The following ATCAY variants were observed in gnomAD, a reference collection of about 807,000 sequenced individuals.
ATCAY encodes the protein ATCAY kinesin light chain interacting caytaxin.
In ATCAY, 22 loss-of-function variants were observed where a neutral mutation model predicts 47.7. That is an observed-to-expected ratio of 0.46 (90% CI 0.33 to 0.66). The LOEUF (loss-of-function observed/expected upper bound fraction) is 0.66. Among genes scored for constraint, ATCAY ranks in the 30% least tolerant of loss-of-function variants. The pLI is 0.02. For synonymous variants in ATCAY, 216 were observed against 207.6 expected (o/e 1.04, Z -0.35); for missense variants, 452 against 515.0 (o/e 0.88, Z 1.18).
Position 3,907,944 on chromosome 19 carries a change from C to G in ATCAY, c.544+25C>G. 1 of 1,604,936 alleles carries G rather than the reference C, an allele frequency of 6.2e-7. No individual in the cohort carries two copies. Among genetic ancestry groups the G allele is most frequent in the Non-Finnish European group, 8.5e-7 (1 of 1,175,758 alleles). On this transcript the variant is annotated intron_variant, in intron 5 of 12. Transcript: ENST00000450849. This position sits in a 1 kb window ranked among gnomAD's most constrained non-coding sequence, Gnocchi z 5.1. ...GGTGAGACCCGCCCCCCGGTGCCCCCTTGGGGCTCCAGCCCGGCCCACTGG... is the reference window on the plus strand; with the variant it reads ...GGTGAGACCCGCCCCCCGGTGCCCCGTTGGGGCTCCAGCCCGGCCCACTGG...
Position 3,907,957 on chromosome 19 carries a change from C to G in ATCAY, c.544+38C>G. On this transcript the variant is annotated intron_variant, in intron 5 of 12. Transcript: ENST00000450849. The surrounding 1 kb of genome is among the most constrained non-coding windows in gnomAD (Gnocchi z 5.1). ...CCCCGGTGCCCCCTTGGGGCTCCAGCCCGGCCCACTGGGCAACAGGGGGTT... is the reference window on the plus strand; with the variant it reads ...CCCCGGTGCCCCCTTGGGGCTCCAGGCCGGCCCACTGGGCAACAGGGGGTT... The G allele has an allele frequency of 6.3e-7, 1 of 1,594,318 alleles. No individual in the cohort carries two copies. Among genetic ancestry groups the G allele is most frequent in the Non-Finnish European group, 8.5e-7 (1 of 1,169,982 alleles).
Position 3,902,551 on chromosome 19 carries a change from T to C in ATCAY, c.136+6T>C. 1 of 1,566,056 alleles carries C rather than the reference T, an allele frequency of 6.4e-7. No homozygotes were observed. The highest frequency in any genetic ancestry group is 8.7e-7 in the Non-Finnish European group (1 of 1,155,062). ...CCCGGTGGAAGACACATCCTGTAAG[T>C]TTCCACGTCCACAGAAGGGCGGAAA... is the stretch of plus-strand genomic sequence containing the variant. On this transcript the variant is annotated splice_donor_region_variant and intron_variant, in intron 3 of 12. Coordinates refer to ENST00000450849, the MANE Select transcript of ATCAY (RefSeq NM_033064.5).
chr19:3,883,477 C>T (rs776708980), intron 1 of ATCAY, among the ~76,000 whole-genome samples: 4 of 152,168 alleles, frequency 2.6e-5, no homozygotes, highest in Non-Finnish European at 5.9e-5. Context: ...CTTTCGCAAA[C>T]ACGGGAATGC....
chr19:3,912,198 C>T (rs1000674924), intron 8 of ATCAY, among the ~76,000 whole-genome samples: 2 of 152,094 alleles, frequency 1.3e-5, no homozygotes, highest in African/African-American at 4.8e-5. Context: ...CTTCACCGGT[C>T]GCCATGGCTC....
At chr19:3,890,970 C>T (rs1237865548) in intron 2 of ATCAY, among the ~76,000 whole-genome samples, 3 of 152,196 alleles carry the variant, frequency 2.0e-5, no homozygotes, top group African/African-American at 7.2e-5. Context: ...GCCATCCCCT[C>T]CCCTGGGGAC....
In ATCAY at chr19:3,925,656, C is replaced by T. The variant is rs1237205669; in HGVS notation, c.*1064C>T. The T allele has an allele frequency of 3.3e-5, 5 of 152,320 alleles. No individual in the cohort carries two copies. Among genetic ancestry groups the T allele is most frequent in the Admixed American group, 6.5e-5 (1 of 15,286 alleles). 9.4% of individuals were successfully genotyped at this position (152,320 alleles called of 1,614,324 possible). On this transcript the variant is annotated 3_prime_UTR_variant, in exon 13 of 13. Transcript: ENST00000450849. The surrounding 1 kb of genome is among the most constrained non-coding windows in gnomAD (Gnocchi z 4.4). Reference sequence around the variant, plus strand: ...AGACTTTTCTAATGTGGTCCAAATGCGGATCACTGGTCAGATGGACTCTAG... The same window carrying T: ...AGACTTTTCTAATGTGGTCCAAATGTGGATCACTGGTCAGATGGACTCTAG...
rs2038725556 is a variant in ATCAY at position 3,892,357 on chromosome 19, C to T, written c.77+6513C>T. Reference sequence around the variant, plus strand: ...ACCTGGGACCACAGGCATATGCCACCACACCCAGCTATGTTTTATTTTCTG... The same window carrying T: ...ACCTGGGACCACAGGCATATGCCACTACACCCAGCTATGTTTTATTTTCTG... On this transcript the variant is annotated intron_variant, in intron 2 of 12. Coordinates refer to ENST00000450849, the MANE Select transcript of ATCAY (RefSeq NM_033064.5). Among the ~76,000 whole-genome samples the T allele has an allele frequency of 1.3e-5, 2 of 152,020 alleles. 1 individual carries two copies. The highest frequency in any genetic ancestry group is 4.1e-4 in the South Asian group (2 of 4,828).
At position 3,907,713 on chromosome 19, in the gene ATCAY, C is replaced by G; in HGVS notation, c.359-21C>G. 1 of 1,613,322 alleles carries G rather than the reference C, an allele frequency of 6.2e-7. No individual in the cohort carries two copies. ...TATCCGGACTCTGGCGTCCATGCGA[C>G]TCTCCGCCACCTGCTTCTAGACGAC... On this transcript the variant is annotated intron_variant, in intron 4 of 12. Coordinates refer to ENST00000450849, the MANE Select transcript of ATCAY (RefSeq NM_033064.5). The surrounding 1 kb of genome is among the most constrained non-coding windows in gnomAD (Gnocchi z 5.1).
intron 1 of ATCAY, among the ~76,000 whole-genome samples, chr19:3,881,237 C>G (rs1055681120): frequency 2.0e-5 from 3 of 152,168 alleles, no homozygotes; most frequent in South Asian, 2.1e-4. Context: ...CGCACCGTTC[C>G]CCTCTAAGTG....
chr19:3,920,555 C>G, intron 11 of ATCAY: 1 of 219,124 alleles, frequency 4.6e-6, no homozygotes, highest in Non-Finnish European at 8.8e-6. Flanking sequence ...GTTGGCCAGG[C>G]TGGTCTCGAA....
At position 3,905,428 on chromosome 19, in the gene ATCAY, C is replaced by T; in HGVS notation, c.137-6C>T. ...GATGTTTTCCATTTTTCTCATTTCCCTGCAGCTCCTCCCAACACGCTAAAT... is the reference window on the plus strand; with the variant it reads ...GATGTTTTCCATTTTTCTCATTTCCTTGCAGCTCCTCCCAACACGCTAAAT... On this transcript the variant is annotated splice_polypyrimidine_tract_variant and splice_region_variant and intron_variant, in intron 3 of 12. Transcript: ENST00000450849. 1 of 1,593,578 alleles carries T rather than the reference C, an allele frequency of 6.3e-7. No homozygotes were observed. The highest frequency in any genetic ancestry group is 1.8e-5 in the Admixed American group (1 of 56,090).
At position 3,907,959 on chromosome 19, in the gene ATCAY, C is replaced by A. The variant is rs750229728; in HGVS notation, c.544+40C>A. 1 of 1,593,458 alleles carries A rather than the reference C, an allele frequency of 6.3e-7. No individual in the cohort carries two copies. The highest frequency in any genetic ancestry group is 2.3e-5 in the East Asian group (1 of 43,762). ...CCGGTGCCCCCTTGGGGCTCCAGCC[C>A]GGCCCACTGGGCAACAGGGGGTTCG... On this transcript the variant is annotated intron_variant, in intron 5 of 12. Coordinates refer to ENST00000450849, the MANE Select transcript of ATCAY (RefSeq NM_033064.5). The surrounding 1 kb of genome is among the most constrained non-coding windows in gnomAD (Gnocchi z 5.1).
chr19:3,891,850 G>A (rs907397754), intron 2 of ATCAY, among the ~76,000 whole-genome samples: 7 of 152,060 alleles, frequency 4.6e-5, no homozygotes, highest in African/African-American at 1.7e-4. Flanking sequence ...TTGCTTGCTT[G>A]TAACTTTTTC....
In ATCAY at chr19:3,911,950, AG is replaced by A. The variant is rs1313123759; in HGVS notation, c.866+1063del. ...ATTTGCATATTAGCGAAATGAGATG[AG>A]GAATACACTAATTATGGATCATTTT... On this transcript the variant is annotated intron_variant, in intron 8 of 12. Coordinates refer to ENST00000450849, the MANE Select transcript of ATCAY (RefSeq NM_033064.5). 2.0e-5 allele frequency among the ~76,000 whole-genome samples: 3 copies of A among 152,208 alleles called. No individual in the cohort carries two copies. The East Asian group carries it at 5.8e-4, about 29-fold the overall frequency.
rs1438912885 is a variant in ATCAY at position 3,902,690 on chromosome 19, G to T, written c.136+145G>T. The T allele has an allele frequency of 8.9e-6, 8 of 898,978 alleles. No homozygotes were observed. The East Asian group carries it at 2.2e-4, about 25-fold the overall frequency. 55.7% of individuals were successfully genotyped at this position (898,978 alleles called of 1,614,324 possible). ...CCTGGGGTCTATGGTGGAAGTGGCC[G>T]TGGTGGGTGAGAGACACAATGGATG... On this transcript the variant is annotated intron_variant, in intron 3 of 12. Transcript: ENST00000450849.
Position 3,924,740 on chromosome 19 carries a change from C to T in ATCAY, c.*148C>T. The T allele has an allele frequency of 1.3e-6, 1 of 769,436 alleles. No individual in the cohort carries two copies. The highest frequency in any genetic ancestry group is 2.1e-6 in the Non-Finnish European group (1 of 473,582). 47.7% of individuals were successfully genotyped at this position (769,436 alleles called of 1,614,324 possible). On this transcript the variant is annotated 3_prime_UTR_variant, in exon 13 of 13. Coordinates refer to ENST00000450849, the MANE Select transcript of ATCAY (RefSeq NM_033064.5). ...CAGCCCCTCCGTTCATCTCTGAAAC[C>T]CAGCATCCTTTTCAGCTGCTTGAAA...
intron 9 of ATCAY, 71 bp downstream of exon 9, chr19:3,913,927 CAG>C: frequency 1.4e-6 from 2 of 1,399,070 alleles, no homozygotes. Flanking sequence ...ACACCTGAGA[CAG>C]GGCAATTTAC....
At position 3,926,468 on chromosome 19, in the gene ATCAY, G is replaced by C. The variant is rs2039067602; in HGVS notation, c.*1876G>C. The C allele has an allele frequency of 6.6e-6, 1 of 152,218 alleles. No homozygotes were observed. 9.4% of individuals were successfully genotyped at this position (152,218 alleles called of 1,614,324 possible). On this transcript the variant is annotated 3_prime_UTR_variant, in exon 13 of 13. Transcript: ENST00000450849. ...TCCTAGCTCTGTGGTTGACCTCTCAGCAAGTGCTATCCAGGCTGGGCCAAC... is the reference window on the plus strand; with the variant it reads ...TCCTAGCTCTGTGGTTGACCTCTCACCAAGTGCTATCCAGGCTGGGCCAAC...
chr19:3,885,826 A>G lies in ATCAY; in HGVS notation c.59A>G (p.Gln20Arg). 1 of 1,552,348 alleles carries G rather than the reference A, an allele frequency of 6.4e-7. No individual in the cohort carries two copies. The highest frequency in any genetic ancestry group is 8.7e-7 in the Non-Finnish European group (1 of 1,147,762). Residue 20 changes from glutamine (Q) to arginine (R), a missense_variant, in exon 2 of 13, where the codon CAG becomes CGG. Coordinates refer to ENST00000450849, the MANE Select transcript of ATCAY (RefSeq NM_033064.5). ...MENVDVKEEW[Q>R]DEDLPRPLPE... ...AACGTGGACGTGAAGGAGGAATGGC[A>G]GGACGAAGATCTTCCCAGGTAGGAC...
Sources: gnomAD v4.1 joint callset for allele counts (sites outside exome capture counted in the v4.1 genomes callset) on GRCh38, gnomAD v4.1.1 for gene constraint, Gnocchi (gnomAD v3.1) non-coding constraint, MANE v1.5 for transcripts, NCBI Gene and HGNC (gene_info 2026-07-23, HGNC 2026-07-21) for gene names.